The following TRHDE variants were observed in gnomAD, a reference collection of about 807,000 sequenced individuals.
TRHDE encodes the protein thyrotropin-releasing hormone-degrading ectoenzyme.
Under a neutral mutation model 125.7 loss-of-function variants are expected in TRHDE, and 72 were observed. That is an observed-to-expected ratio of 0.57 (90% CI 0.47 to 0.70). The LOEUF (loss-of-function observed/expected upper bound fraction) is 0.70. Ranked by LOEUF, TRHDE falls within the 30% of genes least tolerant of loss-of-function variation. The pLI is 0.00. For missense variants in TRHDE, 1,110 were observed against 1,327.1 expected (o/e 0.84, Z 2.54); for synonymous variants, 509 against 509.1 (o/e 1.00, Z 0.00).
chr12:72,199,143 A>C (rs1175541817), intron 2 of TRHDE, among the ~76,000 whole-genome samples: 1 of 152,166 alleles, frequency 6.6e-6, no homozygotes, highest in Non-Finnish European at 1.5e-5. Flanking sequence ...AGGACATAGA[A>C]CCAAACCATA....
rs1360678546 is a variant in TRHDE at position 72,667,284 on chromosome 12, A to G, written c.*4089A>G. 2 of 151,932 alleles carry G rather than the reference A, an allele frequency of 1.3e-5. No individual in the cohort carries two copies. The highest frequency in any genetic ancestry group is 2.9e-5 in the Non-Finnish European group (2 of 67,878). 9.4% of individuals were successfully genotyped at this position (151,932 alleles called of 1,614,324 possible). On this transcript the variant is annotated 3_prime_UTR_variant, in exon 19 of 19. Transcript: ENST00000261180. ...CATGTACACCTAATAAAGAAATAGT[A>G]AAAGCACATATAATGAAAAATAATT...
chr12:72,426,943 T>C (rs999212681), intron 3 of TRHDE, among the ~76,000 whole-genome samples: 2 of 152,126 alleles, frequency 1.3e-5, no homozygotes, highest in African/African-American at 4.8e-5. Flanking sequence ...ATTCTTACTT[T>C]AGTGGCCAAA....
At chr12:72,147,431 C>G (rs1223735058) in intron 2 of TRHDE, 1 of 152,198 alleles carries the variant, frequency 6.6e-6, no homozygotes. Flanking sequence ...TCTACTAGAG[C>G]TGAGTGCTAA....
At chr12:72,553,890 C>T (rs2136000877) in intron 7 of TRHDE, among the ~76,000 whole-genome samples, 1 of 149,858 alleles carries the variant, frequency 6.7e-6, no homozygotes, top group South Asian at 2.1e-4. Flanking sequence ...CTCTTGTCAC[C>T]CAGGCTGGAG....
At chr12:72,208,720 T>C (rs1358273736) in intron 2 of TRHDE, among the ~76,000 whole-genome samples, 1 of 152,216 alleles carries the variant, frequency 6.6e-6, no homozygotes, top group Non-Finnish European at 1.5e-5. Context: ...TGAAGGGCGA[T>C]ATACTTATTG....
At chr12:72,228,409 G>C (rs1377500255) in intron 2 of TRHDE, among the ~76,000 whole-genome samples, 1 of 152,168 alleles carries the variant, frequency 6.6e-6, no homozygotes, top group Non-Finnish European at 1.5e-5. Flanking sequence ...CGTGAATGCA[G>C]GGGACCAAGT....
intron 2 of TRHDE, among the ~76,000 whole-genome samples, chr12:72,340,118 C>T (rs1183141987): frequency 6.6e-6 from 1 of 152,154 alleles, no homozygotes; most frequent in African/African-American, 2.4e-5. Flanking sequence ...TATATCCCAA[C>T]AAACTTTCTG....
At chr12:72,208,292 C>G (rs1222138184) in intron 2 of TRHDE, among the ~76,000 whole-genome samples, 1 of 152,122 alleles carries the variant, frequency 6.6e-6, no homozygotes, top group Non-Finnish European at 1.5e-5. Context: ...AACAAGAGTC[C>G]TTCCTCATTT....
intron 1 of TRHDE, among the ~76,000 whole-genome samples, chr12:72,283,091 C>T (rs1879754512): frequency 6.6e-6 from 1 of 152,014 alleles, no homozygotes. Context: ...TTGTATAATA[C>T]CCGTCTAGGT....
chr12:72,229,952 G>A (rs1402920949), intron 2 of TRHDE, among the ~76,000 whole-genome samples: 1 of 152,112 alleles, frequency 6.6e-6, no homozygotes, highest in African/African-American at 2.4e-5. Context: ...TTCATTTTAA[G>A]AGACATGGGA....
intron 7 of TRHDE, among the ~76,000 whole-genome samples, chr12:72,544,305 G>A (rs924769631): frequency 2.6e-5 from 4 of 151,496 alleles, no homozygotes; most frequent in African/African-American, 7.3e-5. Flanking sequence ...ATGGTGCTGA[G>A]TGGTCACAGA....
At chr12:72,540,835 A>G (rs1172618871) in intron 6 of TRHDE, among the ~76,000 whole-genome samples, 3 of 151,666 alleles carry the variant, frequency 2.0e-5, no homozygotes, top group Non-Finnish European at 4.4e-5. Context: ...AAGGTGTGAG[A>G]AGAAAAAAAA....
At chr12:72,393,218 TC>T (rs1872672738) in intron 3 of TRHDE, among the ~76,000 whole-genome samples, 1 of 152,188 alleles carries the variant, frequency 6.6e-6, no homozygotes, top group African/African-American at 2.4e-5. Flanking sequence ...TAATAATGCT[TC>T]AAACTAAGAT....
At chr12:72,201,596 G>A (rs1877561480) in intron 2 of TRHDE, among the ~76,000 whole-genome samples, 1 of 152,116 alleles carries the variant, frequency 6.6e-6, no homozygotes, top group African/African-American at 2.4e-5. Context: ...GAAGCATGCT[G>A]GGAGGTGATA....
At chr12:72,291,739 T>C (rs1036800043) in intron 2 of TRHDE, among the ~76,000 whole-genome samples, 1 of 152,232 alleles carries the variant, frequency 6.6e-6, no homozygotes, top group African/African-American at 2.4e-5. Context: ...TGATTTAAAG[T>C]ATACAGGAAG....
At chr12:72,121,155 C>T (rs1161791143) in intron 2 of TRHDE, among the ~76,000 whole-genome samples, 1 of 152,092 alleles carries the variant, frequency 6.6e-6, no homozygotes, top group Non-Finnish European at 1.5e-5. Flanking sequence ...TTTACTATTA[C>T]CAGTGAGTTT....
chr12:72,465,248 C>T (rs902430104), intron 3 of TRHDE, among the ~76,000 whole-genome samples: 10 of 151,700 alleles, frequency 6.6e-5, no homozygotes, highest in Non-Finnish European at 1.2e-4. Flanking sequence ...CAGTAATGTA[C>T]AGTAAGCTGT....
At chr12:72,280,105 T>C (rs1879641126) in intron 1 of TRHDE, among the ~76,000 whole-genome samples, 3 of 152,256 alleles carry the variant, frequency 2.0e-5, no homozygotes, top group South Asian at 4.1e-4. Context: ...CTCTTCCTCC[T>C]ATGCAGGGAC....
At chr12:72,337,274 C>T (rs748472823) in intron 2 of TRHDE, among the ~76,000 whole-genome samples, 1 of 152,074 alleles carries the variant, frequency 6.6e-6, no homozygotes, top group Non-Finnish European at 1.5e-5. Flanking sequence ...TCTTTTCAGG[C>T]TGGGATGAGC....
Sources: gnomAD v4.1 joint callset for allele counts (sites outside exome capture counted in the v4.1 genomes callset) on GRCh38, gnomAD v4.1.1 for gene constraint, MANE v1.5 for transcripts, NCBI Gene and HGNC (gene_info 2026-07-23, HGNC 2026-07-21) for gene names.